The following CLCN4 variants were observed in gnomAD, a reference collection of about 807,000 sequenced individuals.
CLCN4 encodes the protein H(+)/Cl(-) exchange transporter 4.
CLCN4 carries 1 observed loss-of-function variant against 41.7 expected under a neutral mutation model. The observed-to-expected ratio is 0.02, with a 90% CI of 0.01 to 0.11. CLCN4 has a LOEUF of 0.11. Among genes scored for constraint, CLCN4 ranks in the 10% least tolerant of loss-of-function variants. The probability of loss-of-function intolerance (pLI) is 1.00; values close to 1 mark genes in which losing one functional copy is unlikely to be tolerated. For synonymous variants in CLCN4, 277 were observed against 285.8 expected (o/e 0.97, Z 0.31); for missense variants, 287 against 661.0 (o/e 0.43, Z 6.20).
At chrX:10,205,715 C>T (rs1924370653) in intron 6 of CLCN4, among the ~76,000 whole-genome samples, 1 of 105,450 alleles carries the variant, frequency 9.5e-6, no homozygotes, top group African/African-American at 3.5e-5. Context: ...TCAAGTGATT[C>T]TCCTACCTCA....
intron 10 of CLCN4, 29 bp downstream of exon 10, chrX:10,212,682 G>C (rs754395139): frequency 2.6e-6 from 3 of 1,167,444 alleles, no homozygotes; most frequent in Admixed American, 2.3e-5. Context: ...CAGGGAGGGG[G>C]ACCGGGGAAC....
chrX:10,191,888 A>G (rs1280127714), intron 4 of CLCN4, among the ~76,000 whole-genome samples: 2 of 109,289 alleles, frequency 1.8e-5, no homozygotes, highest in Non-Finnish European at 3.8e-5. Flanking sequence ...CTCCTGTCCC[A>G]GGTACAGTTA....
intron 6 of CLCN4, among the ~76,000 whole-genome samples, chrX:10,205,607 CTTTTTT>C (rs923729645): frequency 1.1e-4 from 10 of 90,654 alleles, no homozygotes; most frequent in African/African-American, 3.3e-4. Flanking sequence ...TGGCATATTC[CTTTTTT>C]TTTTTTTTTT....
chrX:10,211,245 G>A (rs1393326701), intron 9 of CLCN4, among the ~76,000 whole-genome samples: 3 of 74,467 alleles, frequency 4.0e-5, no homozygotes, highest in African/African-American at 1.1e-4. Flanking sequence ...GGGCCTGGGC[G>A]ACAGAGCGAG....
At chrX:10,226,393 C>T (rs1340315777) in intron 12 of CLCN4, among the ~76,000 whole-genome samples, 1 of 111,492 alleles carries the variant, frequency 9.0e-6, no homozygotes, top group African/African-American at 3.3e-5. Context: ...ACAGCTACAG[C>T]AGTGTTAAGA....
In CLCN4 at chrX:10,165,117, G is replaced by T. The variant is rs1329628345; in HGVS notation, c.-12+6566G>T. 4.4e-5 allele frequency among the ~76,000 whole-genome samples: 5 copies of T among 113,121 alleles called. No homozygotes were observed. In the Admixed American group the frequency reaches 4.6e-4, roughly 10 times the overall value. ...CAGTGGCCTGCAATCGGGGGTTCAT[G>T]GAAGCCCCTGCCTGCTGGCTTGCCA... is the stretch of plus-strand genomic sequence containing the variant. On this transcript the variant is annotated intron_variant, in intron 2 of 12. Transcript: ENST00000380833.
rs1924141132 is a variant in CLCN4 at position 10,197,986 on chromosome X, G to A, written c.480G>A (p.Ala160=). 1.7e-6 allele frequency: 2 copies of A among 1,209,670 alleles called. No individual in the cohort carries two copies. The highest frequency in any genetic ancestry group is 2.2e-6 in the Non-Finnish European group (2 of 894,047). Residue 160 remains alanine, a synonymous_variant, in exon 6 of 13, where the codon GCG becomes GCA. Coordinates refer to ENST00000380833, the MANE Select transcript of CLCN4 (RefSeq NM_001830.4). ...ILNYLMYILW[A]LLFAFLAVSL... The stretch of plus-strand genomic sequence containing the variant: ...ATTACTTAATGTACATCCTATGGGC[G>A]CTGCTGTTTGCATTTTTGGCTGTCT...
intron 6 of CLCN4, 135 bp downstream of exon 6, chrX:10,198,196 G>A: frequency 1.6e-6 from 1 of 622,464 alleles, no homozygotes; most frequent in East Asian, 3.6e-5. Flanking sequence ...TATGACGTAG[G>A]TACTATTATT....
intron 2 of CLCN4, among the ~76,000 whole-genome samples, chrX:10,169,780 TCTTTTCTTTTC>T (rs376100705): frequency 0.22 from 22,047 of 99,616 alleles, 2,474 homozygotes; most frequent in African/African-American, 0.37. Context: ...TTTTTCTTTT[TCTTTTCTTTTC>T]TTTTTTTTTT....
At chrX:10,186,853 G>A (rs1842940511) in intron 3 of CLCN4, among the ~76,000 whole-genome samples, 1 of 112,012 alleles carries the variant, frequency 8.9e-6, no homozygotes, top group Non-Finnish European at 1.9e-5. Context: ...GTGCTACAGT[G>A]GCAGGGTTGA....
chrX:10,162,261 C>T (rs1402520788), intron 2 of CLCN4, among the ~76,000 whole-genome samples: 3 of 110,951 alleles, frequency 2.7e-5, no homozygotes, highest in Admixed American at 1.9e-4. Context: ...TCAGGTGATC[C>T]GCCCACCTTG....
rs1324083076 is a variant in CLCN4, at chrX:10,234,608, G to A, written c.*1024G>A. On this transcript the variant is annotated 3_prime_UTR_variant, in exon 13 of 13. Transcript: ENST00000380833. ...GCTGTGGAGAGGATGAGGCATATGC[G>A]TTGTCAGTTGGAATCCCTCCAAATG... 1.8e-5 allele frequency: 2 copies of A among 112,476 alleles called. No homozygotes were observed. Among genetic ancestry groups the A allele is most frequent in the Admixed American group, 9.4e-5 (1 of 10,641 alleles). 9.3% of individuals were successfully genotyped at this position (112,476 alleles called of 1,213,427 possible). A position where few individuals can be genotyped will look rare whatever the true frequency, so the allele number is the denominator to read the frequency against.
chrX:10,180,259 T>C (rs889745454), intron 2 of CLCN4, among the ~76,000 whole-genome samples: 12 of 112,077 alleles, frequency 1.1e-4, no homozygotes, highest in African/African-American at 3.9e-4. Flanking sequence ...TTCGGAATGC[T>C]CATCTAGAAC....
At position 10,232,776 on chromosome X, in the gene CLCN4, A is replaced by G. The variant is rs752486126; in HGVS notation, c.2193-718A>G. Among the ~76,000 whole-genome samples the G allele has an allele frequency of 2.2e-4, 24 of 111,242 alleles. No individual in the cohort carries two copies. In the East Asian group the frequency reaches 6.2e-3, roughly 29 times the overall value. Reference sequence around the variant, plus strand: ...GAGCAGTGCTCCTTGGCACTGTGTGATATACAGTCTTGGTGGTCCCATACA... The same window carrying G: ...GAGCAGTGCTCCTTGGCACTGTGTGGTATACAGTCTTGGTGGTCCCATACA... On this transcript the variant is annotated intron_variant, in intron 12 of 12. Transcript: ENST00000380833.
At chrX:10,173,073 T>C (rs1399723867) in intron 2 of CLCN4, among the ~76,000 whole-genome samples, 1 of 111,171 alleles carries the variant, frequency 9.0e-6, no homozygotes, top group Non-Finnish European at 1.9e-5. Flanking sequence ...GCGACATTCT[T>C]CAAAGGCAAC....
intron 2 of CLCN4, among the ~76,000 whole-genome samples, chrX:10,166,213 C>T (rs755036806): frequency 1.3e-4 from 15 of 111,954 alleles, no homozygotes; most frequent in Middle Eastern, 9.2e-3. Flanking sequence ...TACTTCAAGA[C>T]GTGACCTTAT....
chrX:10,227,295 C>A (rs1647901484), intron 12 of CLCN4, among the ~76,000 whole-genome samples: 1 of 111,113 alleles, frequency 9.0e-6, no homozygotes, highest in Non-Finnish European at 1.9e-5. Flanking sequence ...GAATGAAAGA[C>A]AAAAACCACA....
intron 4 of CLCN4, among the ~76,000 whole-genome samples, chrX:10,188,063 T>C (rs1199996108): frequency 1.4e-4 from 16 of 111,829 alleles, no homozygotes; most frequent in Non-Finnish European, 3.8e-5. Flanking sequence ...ACCACAGGCA[T>C]GCGCCACCAT....
chrX:10,158,758 G>T (rs1214485139), intron 2 of CLCN4, among the ~76,000 whole-genome samples: 1 of 113,539 alleles, frequency 8.8e-6, no homozygotes, highest in East Asian at 2.8e-4. Context: ...AGGCCCACGC[G>T]TGACTTGGGT....
Sources: gnomAD v4.1 joint callset for allele counts (sites outside exome capture counted in the v4.1 genomes callset) on GRCh38, gnomAD v4.1.1 for gene constraint, MANE v1.5 for transcripts, NCBI Gene and HGNC (gene_info 2026-07-23, HGNC 2026-07-21) for gene names.